TEK: variants seen among roughly 807,000 people sequenced by gnomAD.
TEK encodes the protein angiopoietin-1 receptor.
Under a neutral mutation model 131.8 loss-of-function variants are expected in TEK, and 43 were observed. The observed-to-expected ratio is 0.33, with a 90% CI of 0.26 to 0.42. The LOEUF (loss-of-function observed/expected upper bound fraction) is 0.42. Among genes scored for constraint, TEK ranks in the 10% least tolerant of loss-of-function variants. The pLI is 1.00. For synonymous variants in TEK, 580 were observed against 491.6 expected, an observed-to-expected ratio of 1.18 and a Z score of -2.38; for missense variants, 1,162 against 1,384.4, an observed-to-expected ratio of 0.84 and a Z score of 2.55.
At chr9:27,123,302 AAGGGGTT>A (rs1048156577) in intron 1 of TEK, among the ~76,000 whole-genome samples, 3 of 152,110 alleles carry the variant, frequency 2.0e-5, no homozygotes, top group African/African-American at 7.2e-5. Flanking sequence ...GAGCTGCTGA[AAGGGGTT>A]AGGTCCTTCT....
In TEK at chr9:27,206,610, C is replaced by T. The variant is rs1391746633; in HGVS notation, c.2393C>T (p.Ser798Leu). 1.2e-6 allele frequency: 2 copies of T among 1,613,860 alleles called. No homozygotes were observed. The highest frequency in any genetic ancestry group is 1.7e-6 in the Non-Finnish European group (2 of 1,179,966). The change falls in exon 15 of 23, where the codon TCA becomes TTA. Residue 798 changes from serine to leucine, a missense_variant. Transcript: ENST00000380036. ...GAAGAACCAGCTGTGCAGTTCAACT[C>T]AGGGACTCTGGCCCTAAACAGGAAG... Reference protein sequence around the residue: ...VREEPAVQFNSGTLALNRKVK... With the variant: ...VREEPAVQFNLGTLALNRKVK...
chr9:27,169,654 T>G (rs1489228204), intron 4 of TEK, 25 bp downstream of exon 4: 1 of 1,613,762 alleles, frequency 6.2e-7, no homozygotes, highest in Admixed American at 1.7e-5. Flanking sequence ...GGCCACCATT[T>G]GTGATGGTGT....
chr9:27,128,957 T>A (rs1379214217), intron 1 of TEK, among the ~76,000 whole-genome samples: 1 of 152,214 alleles, frequency 6.6e-6, no homozygotes, highest in Non-Finnish European at 1.5e-5. Flanking sequence ...CCTACGTGAA[T>A]ACCCTTTGTT....
intron 1 of TEK, among the ~76,000 whole-genome samples, chr9:27,129,283 A>C (rs1395800410): frequency 1.3e-5 from 2 of 152,074 alleles, no homozygotes; most frequent in African/African-American, 4.8e-5. Flanking sequence ...TGTAACATAA[A>C]ATTTTTAGCA....
In TEK at chr9:27,213,472, C is replaced by T. The variant is rs772964309; in HGVS notation, c.2878-12C>T. 3 of 1,608,148 alleles carry T rather than the reference C, an allele frequency of 1.9e-6. No homozygotes were observed. Among genetic ancestry groups the T allele is most frequent in the African/African-American group, 1.3e-5 (1 of 74,776 alleles). On this transcript the variant is annotated splice_polypyrimidine_tract_variant and intron_variant, in intron 17 of 22. Transcript: ENST00000380036. Reference sequence around the variant, plus strand: ...TTAGGCTGAAAATACATAATGTTTTCAAAAATTTCAGTTTATCCACAGGGA... The same window carrying T: ...TTAGGCTGAAAATACATAATGTTTTTAAAAATTTCAGTTTATCCACAGGGA...
At chr9:27,111,735 C>CTTT (rs1587466175) in intron 1 of TEK, among the ~76,000 whole-genome samples, 1 of 14,978 alleles carries the variant, frequency 6.7e-5, no homozygotes, top group South Asian at 0.17. Context: ...CTTTTCCCTA[C>CTTT]TCTTCCTCAT....
rs147057883 is a variant in TEK, at chr9:27,190,642, C to T, written c.1441C>T (p.Leu481Phe). 14 of 1,613,874 alleles carry T rather than the reference C, an allele frequency of 8.7e-6. No homozygotes were observed. Among genetic ancestry groups the T allele is most frequent in the African/African-American group, 1.3e-5 (1 of 74,912 alleles). ...GGATGGACCAATCAAATCCAAGAAGCTTCTATACAAACCCGTTAATCACTA... is the reference window on the plus strand; with the variant it reads ...GGATGGACCAATCAAATCCAAGAAGTTTCTATACAAACCCGTTAATCACTA... ...FGDGPIKSKK[L>F]LYKPVNHYEA... Residue 481 changes from leucine to phenylalanine, a missense_variant, in exon 10 of 23, where the codon CTT becomes TTT. Leu to Phe is a conservative substitution (Grantham distance 22). Coordinates refer to ENST00000380036, the MANE Select transcript of TEK (RefSeq NM_000459.5).
chr9:27,195,513 T>C (rs1046874441), intron 11 of TEK, among the ~76,000 whole-genome samples: 1 of 152,186 alleles, frequency 6.6e-6, no homozygotes, highest in East Asian at 1.9e-4. Flanking sequence ...TCTCATACAC[T>C]AAGAACAAAT....
At chr9:27,217,155 C>G (rs1825846550) in intron 18 of TEK, among the ~76,000 whole-genome samples, 1 of 152,208 alleles carries the variant, frequency 6.6e-6, no homozygotes, top group Non-Finnish European at 1.5e-5. Flanking sequence ...TCTACTGTTA[C>G]ACATGCACAC....
intron 1 of TEK, among the ~76,000 whole-genome samples, chr9:27,133,645 C>G (rs1822307944): frequency 6.6e-6 from 1 of 152,126 alleles, no homozygotes; most frequent in African/African-American, 2.4e-5. Context: ...AGGCTAGTGG[C>G]TTTCATACTT....
chr9:27,110,781 C>G (rs1281978614), intron 1 of TEK, among the ~76,000 whole-genome samples: 2 of 152,082 alleles, frequency 1.3e-5, no homozygotes, highest in Non-Finnish European at 2.9e-5. Flanking sequence ...TAATAATATT[C>G]TTTAAGAATG....
intron 11 of TEK, among the ~76,000 whole-genome samples, chr9:27,194,613 C>A (rs1481197716): frequency 6.6e-6 from 1 of 152,204 alleles, no homozygotes; most frequent in Non-Finnish European, 1.5e-5. Context: ...AGAGCATAAA[C>A]TGACTCAGAT....
chr9:27,208,722 AGAT>A (rs1825492421), intron 15 of TEK, among the ~76,000 whole-genome samples: 1 of 152,248 alleles, frequency 6.6e-6, no homozygotes, highest in African/African-American at 2.4e-5. Context: ...AAAATCTAAA[AGAT>A]GATACAGCTC....
intron 1 of TEK, among the ~76,000 whole-genome samples, chr9:27,119,435 T>C (rs1244199199): frequency 6.6e-6 from 1 of 152,206 alleles, no homozygotes; most frequent in Non-Finnish European, 1.5e-5. Flanking sequence ...ATATGTTACC[T>C]TATGTTACTC....
In TEK at chr9:27,164,785, C is replaced by G. The variant is rs143235691; in HGVS notation, c.365-3710C>G. Among the ~76,000 whole-genome samples the G allele has an allele frequency of 8.9e-3, 1,358 of 152,306 alleles. 9 individuals are homozygous for G. Among genetic ancestry groups the G allele is most frequent in the Middle Eastern group, 0.024 (7 of 294 alleles). On this transcript the variant is annotated intron_variant, in intron 2 of 22. Transcript: ENST00000380036. ...TCCTGGCCTTAAGAGATCCTCCCAC[C>G]TTGGCCTCCCAAAATTTTGGGATTA...
intron 18 of TEK, among the ~76,000 whole-genome samples, chr9:27,215,301 G>A (rs906136776): frequency 2.1e-5 from 3 of 145,566 alleles, no homozygotes; most frequent in Admixed American, 6.8e-5. Context: ...TGGGGCTGGG[G>A]AGGAAAGGGC....
intron 21 of TEK, among the ~76,000 whole-genome samples, chr9:27,220,798 T>A (rs1191140057): frequency 1.3e-5 from 2 of 152,204 alleles, no homozygotes; most frequent in Non-Finnish European, 2.9e-5. Context: ...ACCAGGAGAT[T>A]CCCTCTGGTG....
intron 1 of TEK, among the ~76,000 whole-genome samples, chr9:27,129,605 CCTTCATTGAGCCCCTTCCAAGGGG>C (rs1303638180): frequency 6.6e-6 from 1 of 152,200 alleles, no homozygotes; most frequent in Non-Finnish European, 1.5e-5. Context: ...TTTACTCCAT[CCTTCATTGAGCCCCTTCCAAGGGG>C]CTTATGCAAA....
At position 27,109,506 on chromosome 9, in the gene TEK, A is replaced by T. The variant is rs1351230915; in HGVS notation, c.-85A>T. ...AGACGTAGTAGGACGATGCTAATGGAAAGTCACAAACCGCTGGGTTTTTGA... is the reference window on the plus strand; with the variant it reads ...AGACGTAGTAGGACGATGCTAATGGTAAGTCACAAACCGCTGGGTTTTTGA... On this transcript the variant is annotated 5_prime_UTR_variant, in exon 1 of 23. Transcript: ENST00000380036. 3.5e-6 allele frequency: 5 copies of T among 1,416,494 alleles called. No homozygotes were observed. The African/African-American group carries it at 7.0e-5, about 20-fold the overall frequency. 87.7% of individuals were successfully genotyped at this position (1,416,494 alleles called of 1,614,324 possible).
Sources: gnomAD v4.1 joint callset for allele counts (sites outside exome capture counted in the v4.1 genomes callset) on GRCh38, gnomAD v4.1.1 for gene constraint, MANE v1.5 for transcripts, NCBI Gene and HGNC (gene_info 2026-07-23, HGNC 2026-07-21) for gene names.